SNX29: variants seen among roughly 807,000 people sequenced by gnomAD.
SNX29 encodes the protein sorting nexin 29.
A neutral mutation model predicts 102.1 loss-of-function variants in SNX29; 78 were observed. The observed-to-expected ratio is 0.76, with a 90% CI of 0.64 to 0.92. The LOEUF is 0.92. SNX29 is among the 40% of genes least tolerant of loss of function. The pLI, the probability that SNX29 is intolerant of heterozygous loss-of-function variation, is 0.00. For missense variants in SNX29, 1,280 were observed against 1,061.7 expected, an observed-to-expected ratio of 1.21 and a Z score of -2.86; for synonymous variants, 580 against 414.5, an observed-to-expected ratio of 1.40 and a Z score of -4.85.
intron 3 of SNX29, among the ~76,000 whole-genome samples, chr16:12,005,570 C>CGT (rs2056426023): frequency 1.3e-5 from 2 of 151,894 alleles, no homozygotes; most frequent in African/African-American, 4.8e-5. Flanking sequence ...GTGTGTGTGC[C>CGT]GTGTGTGTGT....
intron 18 of SNX29, among the ~76,000 whole-genome samples, chr16:12,421,698 TGTC>T (rs1387829071): frequency 6.6e-6 from 1 of 152,166 alleles, no homozygotes; most frequent in African/African-American, 2.4e-5. Flanking sequence ...TGATCACCAT[TGTC>T]ATCATTAGTT....
At chr16:12,149,191 C>A (rs1471138807) in intron 13 of SNX29, among the ~76,000 whole-genome samples, 1 of 152,180 alleles carries the variant, frequency 6.6e-6, no homozygotes, top group Non-Finnish European at 1.5e-5. Context: ...AAAGTGGCTG[C>A]TGGAGCCCCA....
intron 16 of SNX29, among the ~76,000 whole-genome samples, chr16:12,388,025 G>A (rs190622614): frequency 2.8e-4 from 42 of 152,340 alleles, no homozygotes; most frequent in Admixed American, 1.7e-3. Context: ...CACTCCATGC[G>A]TGTGGTTAAC....
At chr16:12,099,885 C>T (rs1016450785) in intron 11 of SNX29, among the ~76,000 whole-genome samples, 4 of 152,126 alleles carry the variant, frequency 2.6e-5, no homozygotes, top group African/African-American at 9.7e-5. Flanking sequence ...GAGTGGCACT[C>T]TCCTGTGAGC....
At chr16:12,275,881 G>GTTTTTTT (rs34099498) in intron 14 of SNX29, among the ~76,000 whole-genome samples, 3 of 104,084 alleles carry the variant, frequency 2.9e-5, no homozygotes, top group African/African-American at 1.1e-4. Context: ...CATTTTAATT[G>GTTTTTTT]TTTTTTTTTT....
intron 17 of SNX29, among the ~76,000 whole-genome samples, chr16:12,402,893 A>G (rs143742795): frequency 6.6e-6 from 1 of 151,988 alleles, no homozygotes; most frequent in Non-Finnish European, 1.5e-5. Context: ...CCCTCCTCCC[A>G]TCCTAAACAG....
At chr16:12,262,602 A>G (rs1189786876) in intron 14 of SNX29, among the ~76,000 whole-genome samples, 2 of 152,210 alleles carry the variant, frequency 1.3e-5, no homozygotes, top group Non-Finnish European at 2.9e-5. Flanking sequence ...TCGCGGAGTA[A>G]GAGGTAGCAA....
rs562735136 is a variant in SNX29, at chr16:12,377,948, CAAATA to C, written c.1900-20490_1900-20486del. ...GCCTTGGCATGGTTAGGAAATCTTA[CAAATA>C]AAATAAATGCTGGAGCTGGATGAGG... On this transcript the variant is annotated intron_variant, in intron 16 of 20. Coordinates refer to ENST00000566228, the MANE Select transcript of SNX29 (RefSeq NM_032167.5). 4.2e-3 allele frequency among the ~76,000 whole-genome samples: 643 copies of C among 152,192 alleles called. 5 individuals are homozygous for C. Among genetic ancestry groups the C allele is most frequent in the African/African-American group, 0.014 (600 of 41,528 alleles).
At chr16:12,152,661 A>G (rs1261696799) in intron 13 of SNX29, among the ~76,000 whole-genome samples, 1 of 152,230 alleles carries the variant, frequency 6.6e-6, no homozygotes, top group Non-Finnish European at 1.5e-5. Context: ...ACTAGTAGCA[A>G]CTTTGCTGAC....
intron 13 of SNX29, among the ~76,000 whole-genome samples, chr16:12,174,543 G>C (rs1405705916): frequency 6.6e-6 from 1 of 152,162 alleles, no homozygotes; most frequent in Non-Finnish European, 1.5e-5. Flanking sequence ...CTCTGCAGCG[G>C]CATTAGCTCC....
At chr16:12,365,077 A>G (rs1303609270) in intron 16 of SNX29, among the ~76,000 whole-genome samples, 1 of 152,212 alleles carries the variant, frequency 6.6e-6, no homozygotes, top group Admixed American at 6.5e-5. Context: ...AAAGGCACAC[A>G]GCTTCATGGT....
rs1567228932 is a variant in SNX29 at position 12,570,678 on chromosome 16, C to T, written c.*2049C>T. 6 of 231,950 alleles carry T rather than the reference C, an allele frequency of 2.6e-5. No individual in the cohort carries two copies. Among genetic ancestry groups the T allele is most frequent in the East Asian group, 2.4e-4 (4 of 16,376 alleles). 14.4% of individuals were successfully genotyped at this position (231,950 alleles called of 1,614,324 possible). ...CCCTTGGGCCCAGGCTTATGACCTG[C>T]ACCTTTTCTGACACCTGCCCCCAAA... is the stretch of plus-strand genomic sequence containing the variant. On this transcript the variant is annotated 3_prime_UTR_variant, in exon 21 of 21. Transcript: ENST00000566228.
intron 3 of SNX29, among the ~76,000 whole-genome samples, chr16:12,015,114 T>C (rs1304312283): frequency 1.3e-5 from 2 of 152,170 alleles, no homozygotes; most frequent in Non-Finnish European, 2.9e-5. Flanking sequence ...AAAATAGCCA[T>C]GTATATATAC....
intron 16 of SNX29, among the ~76,000 whole-genome samples, chr16:12,356,966 A>G (rs149218975): frequency 2.0e-5 from 3 of 152,328 alleles, no homozygotes; most frequent in Admixed American, 6.5e-5. Flanking sequence ...TAGATCACCT[A>G]CTTGCTTGGT....
intron 4 of SNX29, among the ~76,000 whole-genome samples, chr16:12,037,425 C>T (rs2057506820): frequency 2.0e-5 from 3 of 152,214 alleles, no homozygotes; most frequent in East Asian, 3.9e-4. Flanking sequence ...GTTAGTGAGA[C>T]ACTCACTTTG....
At chr16:12,536,260 C>G (rs751247239) in intron 20 of SNX29, among the ~76,000 whole-genome samples, 1 of 152,024 alleles carries the variant, frequency 6.6e-6, no homozygotes, top group African/African-American at 2.4e-5. Flanking sequence ...TGAGAACTTG[C>G]TGTGACAGAG....
rs1034107654 is a variant in SNX29 at position 12,419,564 on chromosome 16, C to G, written c.2037+16035C>G. Among the ~76,000 whole-genome samples, 32 of 43,050 alleles carry G rather than the reference C, an allele frequency of 7.4e-4. 2 individuals are homozygous for G. Among genetic ancestry groups the G allele is most frequent in the South Asian group, 5.6e-3 (15 of 2,666 alleles). 28.2% of individuals were successfully genotyped at this position (43,050 alleles called of 152,430 possible). A position where few individuals can be genotyped will look rare whatever the true frequency, so the allele number is the denominator to read the frequency against. ...GGGGCTTAGTGTCATCAGACTCAGC[C>G]CCCCCCCCCATCTTTCTGTCGATTT... is the stretch of plus-strand genomic sequence containing the variant. On this transcript the variant is annotated intron_variant, in intron 18 of 20. Coordinates refer to ENST00000566228, the MANE Select transcript of SNX29 (RefSeq NM_032167.5).
intron 14 of SNX29, among the ~76,000 whole-genome samples, chr16:12,232,713 T>A (rs2077807453): frequency 6.6e-6 from 1 of 152,154 alleles, no homozygotes; most frequent in African/African-American, 2.4e-5. Flanking sequence ...AGACAGAGTC[T>A]CACTCTGTCA....
At chr16:12,356,091 T>A in intron 15 of SNX29, 72 bp from the exon 16 acceptor site, 1 of 1,411,924 alleles carries the variant, frequency 7.1e-7, no homozygotes, top group Non-Finnish European at 9.7e-7. Flanking sequence ...GGAAGGAGAG[T>A]CCAGAGAAGG....
Sources: allele counts gnomAD v4.1 joint callset (sites outside exome capture counted in the v4.1 genomes callset), GRCh38; gene constraint gnomAD v4.1.1; transcripts MANE v1.5; gene names NCBI Gene and HGNC (gene_info 2026-07-23, HGNC 2026-07-21).